Variants in SEC24A observed in about 807,000 individuals in gnomAD.
The protein encoded by SEC24A is protein transport protein Sec24A.
In SEC24A, 93 loss-of-function variants were observed where a neutral mutation model predicts 129.4. The observed-to-expected ratio is 0.72, with a 90% CI of 0.61 to 0.85. The LOEUF (loss-of-function observed/expected upper bound fraction) is 0.85. Ranked by LOEUF, SEC24A falls within the 40% of genes least tolerant of loss-of-function variation. The pLI, the probability that SEC24A is intolerant of heterozygous loss-of-function variation, is 0.00. For synonymous variants in SEC24A, 460 were observed against 467.3 expected (o/e 0.98, Z 0.20); for missense variants, 1,264 against 1,307.4 (o/e 0.97, Z 0.51).
intron 7 of SEC24A, among the ~76,000 whole-genome samples, chr5:134,679,226 T>A (rs1364021047): frequency 6.6e-6 from 1 of 151,722 alleles, no homozygotes; most frequent in Non-Finnish European, 1.5e-5. Context: ...CTGGGCTAAT[T>A]TTTTAAATCT....
At chr5:134,700,049 G>A (rs1751956014) in intron 15 of SEC24A, among the ~76,000 whole-genome samples, 1 of 151,182 alleles carries the variant, frequency 6.6e-6, no homozygotes, top group Non-Finnish European at 1.5e-5. Context: ...CAACCTGGTG[G>A]GTTTTTTTTT....
intron 13 of SEC24A, 98 bp from the exon 14 acceptor site, chr5:134,697,028 A>G: frequency 1.5e-6 from 1 of 651,834 alleles, no homozygotes; most frequent in Non-Finnish European, 2.5e-6. Context: ...AAATAATTGC[A>G]ATTGTTGTTA....
chr5:134,702,162 C>G (rs899183909), intron 15 of SEC24A, among the ~76,000 whole-genome samples: 3 of 151,968 alleles, frequency 2.0e-5, no homozygotes, highest in Non-Finnish European at 4.4e-5. Flanking sequence ...TCTCCTTTTT[C>G]TTTCTTTCTT....
At position 134,688,196 on chromosome 5, in the gene SEC24A, T is replaced by C. The variant is rs754876909; in HGVS notation, c.1620T>C (p.Thr540=). ...TTGTTTTTAGGCTTCCTGGCAACAC[T>C]AGAACAAAAATTGGCTTCATAACAT... ...LDNLDLLPGN[T]RTKIGFITFD... Residue 540 remains threonine, a synonymous_variant, in exon 11 of 23, where the codon ACT becomes ACC. Transcript: ENST00000398844. 1.9e-6 allele frequency: 3 copies of C among 1,610,288 alleles called. No individual in the cohort carries two copies. Among genetic ancestry groups the C allele is most frequent in the Non-Finnish European group, 8.5e-7 (1 of 1,176,758 alleles).
At chr5:134,700,136 G>A (rs980084617) in intron 15 of SEC24A, among the ~76,000 whole-genome samples, 1 of 151,744 alleles carries the variant, frequency 6.6e-6, no homozygotes, top group African/African-American at 2.4e-5. Flanking sequence ...TCTGTAAGGG[G>A]GTGTGGAGCA....
chr5:134,713,122 G>A (rs981397389), intron 18 of SEC24A, among the ~76,000 whole-genome samples: 4 of 151,272 alleles, frequency 2.6e-5, no homozygotes, highest in Non-Finnish European at 2.9e-5. Context: ...TAGTAGAGAC[G>A]GGGTTTCACC....
intron 12 of SEC24A, chr5:134,693,083 C>A: frequency 6.5e-7 from 1 of 1,535,870 alleles, no homozygotes; most frequent in Non-Finnish European, 8.7e-7. Context: ...CTGGAAATTG[C>A]CATGAGATAA....
chr5:134,724,545 G>A (rs896383337), intron 22 of SEC24A, among the ~76,000 whole-genome samples: 1 of 150,904 alleles, frequency 6.6e-6, no homozygotes, highest in Non-Finnish European at 1.5e-5. Flanking sequence ...CCAGGATCGT[G>A]CCATTGCACT....
chr5:134,715,337 A>T (rs978865536), intron 19 of SEC24A, 176 bp downstream of exon 19: 2 of 526,682 alleles, frequency 3.8e-6, no homozygotes, highest in East Asian at 3.5e-5. Flanking sequence ...GCTCTTAAAA[A>T]TAGTGCCTTT....
In SEC24A at chr5:134,648,953, C is replaced by A. The variant is rs764612238; in HGVS notation, c.-124C>A. The A allele has an allele frequency of 1.4e-5, 9 of 645,414 alleles. No individual in the cohort carries two copies. The highest frequency in any genetic ancestry group is 6.3e-5 in the Admixed American group (2 of 31,932). 40.0% of individuals were successfully genotyped at this position (645,414 alleles called of 1,614,324 possible). A position where few individuals can be genotyped will look rare whatever the true frequency, so the allele number is the denominator to read the frequency against. Reference sequence around the variant, plus strand: ...CATGCCTCGGGCTTAATGCGCCCCCCCCTCTTCTCCCAGTCTTCAGTCTTA... The same window carrying A: ...CATGCCTCGGGCTTAATGCGCCCCCACCTCTTCTCCCAGTCTTCAGTCTTA... On this transcript the variant is annotated 5_prime_UTR_variant, in exon 1 of 23. Coordinates refer to ENST00000398844, the MANE Select transcript of SEC24A (RefSeq NM_021982.3).
chr5:134,710,260 G>A (rs1752283296), intron 18 of SEC24A, among the ~76,000 whole-genome samples: 1 of 150,908 alleles, frequency 6.6e-6, no homozygotes, highest in Non-Finnish European at 1.5e-5. Context: ...TGCCCAGGCT[G>A]GAGCGCAGTG....
At chr5:134,689,366 G>T (rs1751556434) in intron 11 of SEC24A, among the ~76,000 whole-genome samples, 1 of 152,196 alleles carries the variant, frequency 6.6e-6, no homozygotes, top group African/African-American at 2.4e-5. Context: ...GCGGATGCTT[G>T]TACATCATTG....
chr5:134,659,045 A>T lies in SEC24A; in HGVS notation c.98-2074A>T, dbSNP rs928124539. Among the ~76,000 whole-genome samples, 18 of 99,270 alleles carry T rather than the reference A, an allele frequency of 1.8e-4. No homozygotes were observed. In the South Asian group the frequency reaches 4.6e-3, roughly 25 times the overall value. 65.1% of individuals were successfully genotyped at this position (99,270 alleles called of 152,430 possible). A position where few individuals can be genotyped will look rare whatever the true frequency, so the allele number is the denominator to read the frequency against. On this transcript the variant is annotated intron_variant, in intron 1 of 22. Transcript: ENST00000398844. The stretch of plus-strand genomic sequence containing the variant: ...CCCCTTCACAATCACTGACCCATTT[A>T]TTTTTATTTATTTATTTATTTATTT...
intron 15 of SEC24A, among the ~76,000 whole-genome samples, chr5:134,699,301 C>CGTTTTTTTTTT (rs1429369613): frequency 6.3e-4 from 87 of 138,420 alleles, no homozygotes; most frequent in East Asian, 1.5e-3. Context: ...CCATTTTATC[C>CGTTTTTTTTTT]TTTTTTTTTT....
intron 15 of SEC24A, among the ~76,000 whole-genome samples, chr5:134,701,602 C>T (rs1752010127): frequency 6.6e-6 from 1 of 152,002 alleles, no homozygotes; most frequent in South Asian, 2.1e-4. Flanking sequence ...CCTTCGCCTC[C>T]CGGGGTCCAG....
At position 134,726,068 on chromosome 5, in the gene SEC24A, T is replaced by C. The variant is rs1752751244; in HGVS notation, c.*974T>C. On this transcript the variant is annotated 3_prime_UTR_variant, in exon 23 of 23. Transcript: ENST00000398844. ...AATTGGAAGTCATTCATAAGAAATA[T>C]TTATGCTTGAATATGAAAATCTATG... The C allele has an allele frequency of 3.3e-5, 5 of 152,658 alleles. No homozygotes were observed. In the East Asian group the frequency reaches 5.8e-4, roughly 18 times the overall value. The allele number at this position is 152,658 out of a possible 1,614,324, so 9.5% of individuals were successfully genotyped here.
rs765814805 is a variant in SEC24A, at chr5:134,705,327, G to A, written c.2441G>A (p.Gly814Asp). 1.9e-6 allele frequency: 3 copies of A among 1,610,298 alleles called. No individual in the cohort carries two copies. Among genetic ancestry groups the A allele is most frequent in the South Asian group, 2.2e-5 (2 of 90,908 alleles). Residue 814 changes from glycine to aspartate, a missense_variant and splice_region_variant, in exon 17 of 23, where the codon GGC (glycine) becomes GAC (aspartate). By Grantham distance (94) the Gly-to-Asp change is moderately conservative. Transcript: ENST00000398844. ...QSALLYTSSKGERRIRVHTLC... is the reference protein window; with the variant it reads ...QSALLYTSSKDERRIRVHTLC... The stretch of plus-strand genomic sequence containing the variant: ...TGTTGTTTGTGTATTTTCCCCAAAG[G>A]CGAAAGAAGAATTCGTGTTCATACT...
At chr5:134,705,090 A>ATATATATATAT (rs1180461537) in intron 16 of SEC24A, among the ~76,000 whole-genome samples, 6 of 123,304 alleles carry the variant, frequency 4.9e-5, no homozygotes, top group African/African-American at 1.8e-4. Flanking sequence ...ATATATATAT[A>ATATATATATAT]TTTTTTTTTT....
chr5:134,673,346 G>A (rs1750943107), intron 4 of SEC24A, among the ~76,000 whole-genome samples: 1 of 150,306 alleles, frequency 6.7e-6, no homozygotes, highest in African/African-American at 2.4e-5. Context: ...GAGCCACCTC[G>A]CCCTGCCAGG....
Sources: allele counts gnomAD v4.1 joint callset (sites outside exome capture counted in the v4.1 genomes callset), GRCh38; gene constraint gnomAD v4.1.1; transcripts MANE v1.5; gene names NCBI Gene and HGNC (gene_info 2026-07-23, HGNC 2026-07-21).